NAALADL2: variants seen among roughly 807,000 people sequenced by gnomAD.
NAALADL2 encodes the protein N-acetylated alpha-linked acidic dipeptidase like 2, also known as inactive N-acetylated-alpha-linked acidic dipeptidase-like protein 2.
Under a neutral mutation model 87.2 loss-of-function variants are expected in NAALADL2, and 76 were observed. The observed-to-expected ratio is 0.87, with a 90% CI of 0.72 to 1.05. The LOEUF (loss-of-function observed/expected upper bound fraction) is 1.05. Ranked by LOEUF, NAALADL2 falls within the 50% of genes least tolerant of loss-of-function variation. NAALADL2 has a pLI of 0.00. For missense variants in NAALADL2, 1,089 were observed against 945.8 expected (o/e 1.15, Z -1.99); for synonymous variants, 354 against 331.0 (o/e 1.07, Z -0.75).
chr3:175,656,524 TCAC>T (rs1416500464), intron 11 of NAALADL2, among the ~76,000 whole-genome samples: 4 of 152,176 alleles, frequency 2.6e-5, no homozygotes, highest in Non-Finnish European at 5.9e-5. Flanking sequence ...AGACAAATCT[TCAC>T]CAACCCAAAA....
At chr3:175,557,613 A>G (rs1273576030) in intron 9 of NAALADL2, among the ~76,000 whole-genome samples, 1 of 152,000 alleles carries the variant, frequency 6.6e-6, no homozygotes, top group Non-Finnish European at 1.5e-5. Context: ...GAGTTCAATT[A>G]TTTTAATTTT....
intron 2 of NAALADL2, among the ~76,000 whole-genome samples, chr3:175,177,525 C>T (rs563593535): frequency 3.9e-5 from 6 of 152,022 alleles, no homozygotes; most frequent in African/African-American, 4.8e-5. Flanking sequence ...GGTTGGCAAA[C>T]GTAACAGTAG....
chr3:175,570,625 A>T (rs1381315570), intron 9 of NAALADL2, among the ~76,000 whole-genome samples: 1 of 152,204 alleles, frequency 6.6e-6, no homozygotes, highest in East Asian at 1.9e-4. Context: ...TTACACCTGT[A>T]GTCCCAGCAC....
At chr3:174,970,098 T>C (rs1743419706) in intron 1 of NAALADL2, among the ~76,000 whole-genome samples, 1 of 152,198 alleles carries the variant, frequency 6.6e-6, no homozygotes, top group Non-Finnish European at 1.5e-5. Context: ...TTAATTCTAG[T>C]GACCATATAG....
chr3:175,403,754 A>G (rs913508639), intron 5 of NAALADL2, among the ~76,000 whole-genome samples: 8 of 152,146 alleles, frequency 5.3e-5, no homozygotes, highest in African/African-American at 1.9e-4. Flanking sequence ...CTCATTAGAC[A>G]TCATTGACAT....
At chr3:174,848,108 A>T (rs1579188208) in intron 3 of NAALADL2, among the ~76,000 whole-genome samples, 1 of 151,552 alleles carries the variant, frequency 6.6e-6, no homozygotes, top group East Asian at 1.9e-4. Context: ...TCGCTGTGAT[A>T]TGCTATTTAT....
chr3:174,798,425 C>G (rs190929655), intron 3 of NAALADL2, among the ~76,000 whole-genome samples: 1 of 152,106 alleles, frequency 6.6e-6, no homozygotes, highest in Admixed American at 6.6e-5. Context: ...TATTGAAGTT[C>G]CATATGAATT....
chr3:174,898,138 A>G (rs985684110), intron 1 of NAALADL2, among the ~76,000 whole-genome samples: 3 of 132,570 alleles, frequency 2.3e-5, no homozygotes, highest in South Asian at 2.2e-4. Flanking sequence ...AAAAAAAAAA[A>G]AAAAAGAAAA....
intron 1 of NAALADL2, among the ~76,000 whole-genome samples, chr3:175,054,876 C>A (rs1443827968): frequency 6.6e-6 from 1 of 152,158 alleles, no homozygotes; most frequent in Non-Finnish European, 1.5e-5. Context: ...TGTAATAAAT[C>A]TCCCTCATAA....
chr3:175,012,967 G>GTA (rs372741122), intron 1 of NAALADL2, among the ~76,000 whole-genome samples: 5,107 of 126,914 alleles, frequency 0.04, 419 homozygotes, highest in African/African-American at 0.16. Context: ...AGATGTGTGT[G>GTA]TATATATATA....
At chr3:174,885,873 G>GTTTTTTTTTTTT (rs1403797617) in intron 1 of NAALADL2, among the ~76,000 whole-genome samples, 1 of 83,768 alleles carries the variant, frequency 1.2e-5, no homozygotes. Flanking sequence ...GCCAGTCCGA[G>GTTTTTTTTTTTT]TTGTTTTTTT....
At chr3:174,858,147 AAT>A (rs1327588744), upstream of NAALADL2, among the ~76,000 whole-genome samples, 1 of 148,156 alleles carries the variant, frequency 6.7e-6, no homozygotes, top group Non-Finnish European at 1.5e-5. Flanking sequence ...TGAATATAAT[AAT>A]ATGTAATTAT....
chr3:175,488,239 C>T (rs1727586573), intron 9 of NAALADL2, among the ~76,000 whole-genome samples: 2 of 152,172 alleles, frequency 1.3e-5, no homozygotes, highest in Admixed American at 1.3e-4. Flanking sequence ...TGTGGGCACA[C>T]ATAATATGAG....
intron 2 of NAALADL2, among the ~76,000 whole-genome samples, chr3:174,632,933 C>CAAAAAAAAAAAAAAAAAAAAAAAAAA (rs56809226): frequency 1.6e-5 from 1 of 63,776 alleles, no homozygotes; most frequent in Non-Finnish European, 3.1e-5. Context: ...GACTCTGTCT[C>CAAAAAAAAAAAAAAAAAAAAAAAAAA]AAAAAAAAAA....
At chr3:174,539,038 C>G (rs1560040858) in intron 1 of NAALADL2, among the ~76,000 whole-genome samples, 1 of 152,100 alleles carries the variant, frequency 6.6e-6, no homozygotes, top group Admixed American at 6.6e-5. Flanking sequence ...TCTTAGATAC[C>G]TTTTTGTTTG....
At chr3:175,777,268 C>A (rs1359908510) in intron 13 of NAALADL2, among the ~76,000 whole-genome samples, 1 of 151,756 alleles carries the variant, frequency 6.6e-6, no homozygotes, top group East Asian at 1.9e-4. Context: ...GAAATTAAAA[C>A]CCTTTCGATA....
intron 2 of NAALADL2, among the ~76,000 whole-genome samples, chr3:175,186,153 T>C (rs994999928): frequency 2.0e-5 from 3 of 152,124 alleles, no homozygotes; most frequent in African/African-American, 7.2e-5. Context: ...CGACATATTG[T>C]ACATGTTGAA....
chr3:175,320,964 G>A (rs1201046572), intron 4 of NAALADL2, among the ~76,000 whole-genome samples: 22 of 150,778 alleles, frequency 1.5e-4, no homozygotes, highest in African/African-American at 5.1e-4. Flanking sequence ...GAAAAAGAGG[G>A]AATCCTCCCT....
chr3:174,597,301 A>T (rs571439467), intron 2 of NAALADL2, among the ~76,000 whole-genome samples: 4 of 152,338 alleles, frequency 2.6e-5, no homozygotes, highest in African/African-American at 9.6e-5. Flanking sequence ...TTGTCATTGT[A>T]GGATGATCAC....
Sources: gnomAD v4.1 joint callset for allele counts (sites outside exome capture counted in the v4.1 genomes callset) on GRCh38, gnomAD v4.1.1 for gene constraint, MANE v1.5 for transcripts, NCBI Gene and HGNC (gene_info 2026-07-23, HGNC 2026-07-21) for gene names.